The following BMP6 variants were observed in gnomAD, a reference collection of about 807,000 sequenced individuals.
The protein encoded by BMP6 is VG-1-R.
BMP6 carries 17 observed loss-of-function variants against 54.1 expected under a neutral mutation model. That is an observed-to-expected ratio of 0.31 (90% CI 0.22 to 0.47). The LOEUF (loss-of-function observed/expected upper bound fraction) is 0.47. BMP6 is among the 20% of genes least tolerant of loss of function. The pLI, the probability that BMP6 is intolerant of heterozygous loss-of-function variation, is 1.00. For missense variants in BMP6, 720 were observed against 690.4 expected (o/e 1.04, Z -0.48); for synonymous variants, 328 against 291.2 (o/e 1.13, Z -1.28).
chr6:7,856,227 TG>T (rs1207722810), intron 2 of BMP6, among the ~76,000 whole-genome samples: 1 of 152,126 alleles, frequency 6.6e-6, no homozygotes, highest in Admixed American at 6.6e-5. Flanking sequence ...TACTCTTTTT[TG>T]TAGTACTTTA....
At chr6:7,876,486 T>A (rs1759616856) in intron 4 of BMP6, among the ~76,000 whole-genome samples, 1 of 152,226 alleles carries the variant, frequency 6.6e-6, no homozygotes, top group Non-Finnish European at 1.5e-5. Context: ...TGTTGGACTT[T>A]TCATTCTCTC....
At chr6:7,878,399 G>A (rs1164000116) in intron 4 of BMP6, among the ~76,000 whole-genome samples, 1 of 152,168 alleles carries the variant, frequency 6.6e-6, no homozygotes, top group Non-Finnish European at 1.5e-5. Context: ...GTTAAGCCAG[G>A]CTAGTGGCCC....
At chr6:7,834,478 T>C (rs1302698112) in intron 1 of BMP6, among the ~76,000 whole-genome samples, 1 of 151,764 alleles carries the variant, frequency 6.6e-6, no homozygotes, top group African/African-American at 2.4e-5. Flanking sequence ...CAATTTACCA[T>C]TGAAAATGAC....
At chr6:7,828,029 CTTTTT>C (rs900794375) in intron 1 of BMP6, among the ~76,000 whole-genome samples, 9 of 152,170 alleles carry the variant, frequency 5.9e-5, no homozygotes, top group African/African-American at 1.7e-4. Flanking sequence ...TTTTCCCACT[CTTTTT>C]TAAGTTTCTT....
At chr6:7,840,895 C>T (rs1294384797) in intron 1 of BMP6, among the ~76,000 whole-genome samples, 4 of 152,176 alleles carry the variant, frequency 2.6e-5, no homozygotes, top group Admixed American at 2.0e-4. Context: ...TGCTTACTGG[C>T]CTTTCACAGA....
At chr6:7,744,543 C>A (rs1757319325) in intron 1 of BMP6, among the ~76,000 whole-genome samples, 1 of 152,144 alleles carries the variant, frequency 6.6e-6, no homozygotes, top group Non-Finnish European at 1.5e-5. Flanking sequence ...CATTAAAGTT[C>A]AATGTTTATA....
At chr6:7,783,852 C>T (rs1757983694) in intron 1 of BMP6, among the ~76,000 whole-genome samples, 2 of 152,200 alleles carry the variant, frequency 1.3e-5, no homozygotes, top group Admixed American at 6.5e-5. Flanking sequence ...TTTCTGTCTC[C>T]TAGCAAATGA....
chr6:7,795,051 A>C (rs1172877626), intron 1 of BMP6, among the ~76,000 whole-genome samples: 3 of 143,164 alleles, frequency 2.1e-5, no homozygotes, highest in Non-Finnish European at 4.7e-5. Flanking sequence ...TTAAACTGCA[A>C]AATAACAGCC....
chr6:7,766,391 T>A (rs1581238364), intron 1 of BMP6, among the ~76,000 whole-genome samples: 4 of 152,272 alleles, frequency 2.6e-5, no homozygotes, highest in Middle Eastern at 6.8e-3. Flanking sequence ...AGTGGAAGGA[T>A]TGCTTGAGAC....
chr6:7,775,448 C>T (rs270383), intron 1 of BMP6, among the ~76,000 whole-genome samples: 124,533 of 152,194 alleles, frequency 0.82, 51,267 homozygotes, highest in African/African-American at 0.84. Context: ...GAGCTTGTGA[C>T]TTAAAAAAGA....
At position 7,881,673 on chromosome 6, in the gene BMP6, TAAAA is replaced by T. The variant is rs1453355499; in HGVS notation, c.*1334_*1337del. 2.0e-5 allele frequency: 3 copies of T among 152,128 alleles called. No individual in the cohort carries two copies. Among genetic ancestry groups the T allele is most frequent in the African/African-American group, 7.2e-5 (3 of 41,416 alleles). The allele number at this position is 152,128 out of a possible 1,614,324, so 9.4% of individuals were successfully genotyped here. ...GCTTCTCTAGGAGGTTGGGTTTTTT[TAAAA>T]AAAGAATTATCTGTGAACCATACGT... On this transcript the variant is annotated 3_prime_UTR_variant, in exon 7 of 7. Coordinates refer to ENST00000283147, the MANE Select transcript of BMP6 (RefSeq NM_001718.6).
At chr6:7,879,006 C>T in intron 4 of BMP6, 68 bp from the exon 5 acceptor site, 1 of 1,487,854 alleles carries the variant, frequency 6.7e-7, no homozygotes, top group Non-Finnish European at 9.4e-7. Flanking sequence ...GGTAAACTCT[C>T]TATGAAGGAA....
intron 1 of BMP6, among the ~76,000 whole-genome samples, chr6:7,766,159 C>T (rs1454564662): frequency 6.6e-6 from 1 of 152,116 alleles, no homozygotes; most frequent in Admixed American, 6.5e-5. Flanking sequence ...AGGGGAGATT[C>T]TTTCTGCATT....
At chr6:7,754,486 G>C (rs918030988) in intron 1 of BMP6, among the ~76,000 whole-genome samples, 3 of 152,106 alleles carry the variant, frequency 2.0e-5, no homozygotes, top group Non-Finnish European at 4.4e-5. Flanking sequence ...TTAAGGATTT[G>C]TCTACTTCTT....
intron 1 of BMP6, among the ~76,000 whole-genome samples, chr6:7,733,785 C>T (rs1393185073): frequency 1.3e-5 from 2 of 152,146 alleles, no homozygotes; most frequent in African/African-American, 4.8e-5. Context: ...CCACTGGAAA[C>T]GTGTGAGTCG....
intron 1 of BMP6, among the ~76,000 whole-genome samples, chr6:7,788,920 T>C (rs940333111): frequency 3.3e-5 from 5 of 151,792 alleles, no homozygotes; most frequent in African/African-American, 4.8e-5. Context: ...TCCAAGGTGC[T>C]TCCTCAGGAA....
At chr6:7,756,707 C>G (rs1463038709) in intron 1 of BMP6, among the ~76,000 whole-genome samples, 1 of 152,140 alleles carries the variant, frequency 6.6e-6, no homozygotes, top group Non-Finnish European at 1.5e-5. Context: ...TCAATTTGAT[C>G]CTTTTGAACT....
chr6:7,818,869 A>AG (rs540941441), intron 1 of BMP6, among the ~76,000 whole-genome samples: 40 of 152,362 alleles, frequency 2.6e-4, no homozygotes, highest in African/African-American at 9.1e-4. Flanking sequence ...GATCTGGGGA[A>AG]GGGAGATCTT....
chr6:7,815,726 C>G (rs1758515468), intron 1 of BMP6, among the ~76,000 whole-genome samples: 1 of 152,210 alleles, frequency 6.6e-6, no homozygotes, highest in South Asian at 2.1e-4. Flanking sequence ...AGAACACACA[C>G]TGTAATTAGA....
Sources: allele counts gnomAD v4.1 joint callset (sites outside exome capture counted in the v4.1 genomes callset), GRCh38; gene constraint gnomAD v4.1.1; transcripts MANE v1.5; gene names NCBI Gene and HGNC (gene_info 2026-07-23, HGNC 2026-07-21).